The following IGSF5 variants were observed in gnomAD, a reference collection of about 807,000 sequenced individuals.
IGSF5 encodes the protein immunoglobulin superfamily 5 like.
A neutral mutation model predicts 39.4 loss-of-function variants in IGSF5; 41 were observed. That is an observed-to-expected ratio of 1.04 (90% CI 0.81 to 1.35). The LOEUF (loss-of-function observed/expected upper bound fraction) is 1.35. IGSF5 is among the 40% of genes most tolerant of loss of function. The pLI is 0.00. For synonymous variants in IGSF5, 183 were observed against 175.3 expected (o/e 1.04, Z -0.34); for missense variants, 487 against 494.6 (o/e 0.98, Z 0.15).
Position 39,771,177 on chromosome 21 carries a change from C to A in IGSF5, c.680C>A (p.Ser227Tyr). 6.3e-7 allele frequency: 1 copy of A among 1,596,946 alleles called. No individual in the cohort carries two copies. Among genetic ancestry groups the A allele is most frequent in the South Asian group, 1.1e-5 (1 of 87,756 alleles). ...TGGAAGAGCCTGAAGGCCCGCAAGTCTGCAACTGTAAATCTCACTGTGATT... is the reference window on the plus strand; with the variant it reads ...TGGAAGAGCCTGAAGGCCCGCAAGTATGCAACTGTAAATCTCACTGTGATT... ...ATWKSLKARK[S>Y]ATVNLTVIRC... The change falls in exon 4 of 9, where the codon TCT becomes TAT. Residue 227 changes from serine to tyrosine, a missense_variant. Physicochemically the swap from Ser to Tyr is moderately radical, Grantham distance 144 (BLOSUM62 -2). Transcript: ENST00000380588.
At chr21:39,759,551 T>C (rs1253516081) in intron 2 of IGSF5, among the ~76,000 whole-genome samples, 1 of 152,120 alleles carries the variant, frequency 6.6e-6, no homozygotes, top group Non-Finnish European at 1.5e-5. Flanking sequence ...GGTCTAGTGT[T>C]TCTGAGATAC....
chr21:39,776,675 G>T (rs879613033), intron 4 of IGSF5, among the ~76,000 whole-genome samples: 4 of 152,128 alleles, frequency 2.6e-5, no homozygotes, highest in Non-Finnish European at 5.9e-5. Flanking sequence ...ATTAAGGCAG[G>T]CTCTCTCTGG....
upstream of IGSF5, among the ~76,000 whole-genome samples, chr21:39,740,639 T>C (rs2079944626): frequency 6.6e-6 from 1 of 152,174 alleles, no homozygotes; most frequent in Admixed American, 6.5e-5. Flanking sequence ...GGATCTTCCA[T>C]CAGTATACAA....
chr21:39,787,052 T>C (rs1463777821), intron 5 of IGSF5, among the ~76,000 whole-genome samples: 1 of 152,082 alleles, frequency 6.6e-6, no homozygotes, highest in Non-Finnish European at 1.5e-5. Context: ...GTCACATGTA[T>C]ACATATGTAA....
chr21:39,716,181 C>A, the IGSF5 span, among the ~76,000 whole-genome samples: 1 of 152,158 alleles, frequency 6.6e-6, no homozygotes, highest in African/African-American at 2.4e-5. Context: ...CCTGAAAGTG[C>A]CCTCCCTCAT....
At chr21:39,726,464 C>T in the IGSF5 span, among the ~76,000 whole-genome samples, 17 of 152,122 alleles carry the variant, frequency 1.1e-4, no homozygotes, top group Admixed American at 3.9e-4. Flanking sequence ...CTCTGGGTGC[C>T]GCATCCGGTG....
chr21:39,725,688 A>G, the IGSF5 span: 1 of 152,066 alleles, frequency 6.6e-6, no homozygotes, highest in African/African-American at 2.4e-5. Flanking sequence ...AAACACAAAC[A>G]CCTAATTTTG....
At chr21:39,763,132 C>G (rs1205261147) in intron 2 of IGSF5, among the ~76,000 whole-genome samples, 1 of 152,082 alleles carries the variant, frequency 6.6e-6, no homozygotes, top group Non-Finnish European at 1.5e-5. Context: ...CTAAAGTGAC[C>G]AGAAATACAG....
At chr21:39,726,306 A>G in the IGSF5 span, among the ~76,000 whole-genome samples, 99 of 152,292 alleles carry the variant, frequency 6.5e-4, no homozygotes, top group Admixed American at 2.4e-3. Context: ...AAATTCAGAA[A>G]TTAGATGGAG....
intron 6 of IGSF5, among the ~76,000 whole-genome samples, chr21:39,790,766 G>A (rs1386220226): frequency 6.6e-6 from 1 of 152,162 alleles, no homozygotes; most frequent in Non-Finnish European, 1.5e-5. Context: ...GGGAAATACA[G>A]CTGATTCTCT....
the IGSF5 span, among the ~76,000 whole-genome samples, chr21:39,735,408 C>T: frequency 6.6e-6 from 1 of 152,062 alleles, no homozygotes; most frequent in Non-Finnish European, 1.5e-5. Flanking sequence ...TTATTTTCTT[C>T]TTTATGTTGA....
the IGSF5 span, among the ~76,000 whole-genome samples, chr21:39,739,046 G>A: frequency 3.9e-5 from 6 of 151,982 alleles, no homozygotes; most frequent in South Asian, 8.3e-4. Flanking sequence ...CCGCCACCAC[G>A]CCCAGCTAAT....
At chr21:39,731,808 C>T in the IGSF5 span, among the ~76,000 whole-genome samples, 27 of 152,160 alleles carry the variant, frequency 1.8e-4, no homozygotes, top group African/African-American at 6.3e-4. Flanking sequence ...CCCAGTCAAA[C>T]CTTCCCAGGC....
intron 4 of IGSF5, among the ~76,000 whole-genome samples, chr21:39,778,126 G>A (rs755002932): frequency 6.6e-6 from 1 of 152,138 alleles, no homozygotes; most frequent in Non-Finnish European, 1.5e-5. Context: ...AGCGTGGTGC[G>A]CTAGGGAGAA....
chr21:39,741,268 T>C (rs1313891670), upstream of IGSF5, among the ~76,000 whole-genome samples: 1 of 152,172 alleles, frequency 6.6e-6, no homozygotes, highest in Non-Finnish European at 1.5e-5. Flanking sequence ...TTAATTAGCG[T>C]ATATAACGGT....
At chr21:39,771,334 T>A in intron 4 of IGSF5, 119 bp downstream of exon 4, 1 of 922,174 alleles carries the variant, frequency 1.1e-6, no homozygotes. Context: ...TGATTTTGGG[T>A]GGGGATGATA....
intron 2 of IGSF5, chr21:39,751,413 A>G (rs1054542503): frequency 5.9e-5 from 9 of 152,400 alleles, no homozygotes; most frequent in Non-Finnish European, 1.2e-4. Flanking sequence ...AGCCCCGCAC[A>G]GGCCGTTATC....
the IGSF5 span, among the ~76,000 whole-genome samples, chr21:39,712,697 G>A: frequency 6.6e-6 from 1 of 152,162 alleles, no homozygotes; most frequent in Non-Finnish European, 1.5e-5. Context: ...CAGTGAGTGA[G>A]GAGGGCTGAA....
At chr21:39,734,438 A>G in the IGSF5 span, among the ~76,000 whole-genome samples, 1 of 61,960 alleles carries the variant, frequency 1.6e-5, no homozygotes, top group Non-Finnish European at 3.5e-5. Flanking sequence ...AAAAAAAAAA[A>G]TACACACACA....
Sources: allele counts gnomAD v4.1 joint callset (sites outside exome capture counted in the v4.1 genomes callset), GRCh38; gene constraint gnomAD v4.1.1; transcripts MANE v1.5; gene names NCBI Gene and HGNC (gene_info 2026-07-23, HGNC 2026-07-21).